Variants in NTRK3 observed in about 807,000 individuals in gnomAD.
NTRK3 encodes the protein neurotrophic receptor tyrosine kinase 3.
A neutral mutation model predicts 91.7 loss-of-function variants in NTRK3; 24 were observed. That is an observed-to-expected ratio of 0.26 (90% CI 0.19 to 0.37). NTRK3 has a LOEUF of 0.37. NTRK3 is among the 10% of genes least tolerant of loss of function. The pLI is 1.00. For missense variants in NTRK3, 880 were observed against 1,068.9 expected (o/e 0.82, Z 2.46); for synonymous variants, 483 against 404.0 (o/e 1.20, Z -2.34).
intron 3 of NTRK3, among the ~76,000 whole-genome samples, chr15:88,206,486 G>A (rs1419564306): frequency 4.2e-5 from 6 of 143,450 alleles, no homozygotes; most frequent in African/African-American, 1.6e-4. Context: ...GTGAAACCCC[G>A]TCTCTACTAA....
intron 3 of NTRK3, among the ~76,000 whole-genome samples, chr15:88,231,617 T>C (rs1466368225): frequency 2.0e-5 from 3 of 152,164 alleles, no homozygotes; most frequent in Non-Finnish European, 2.9e-5. Flanking sequence ...TTTCACTCAA[T>C]GCGAGCATCC....
chr15:87,975,900 A>T lies in NTRK3; in HGVS notation c.1586-35147T>A, dbSNP rs187829935. On this transcript the variant is annotated intron_variant, in intron 14 of 18. Transcript: ENST00000394480. ...AACTCCCTCACTTCCTTGCCCTATCACCTTGAAAAGACATTCCACATCCTT... is the reference window on the plus strand; with the variant it reads ...AACTCCCTCACTTCCTTGCCCTATCTCCTTGAAAAGACATTCCACATCCTT... 1.5e-3 allele frequency among the ~76,000 whole-genome samples: 226 copies of T among 152,208 alleles called. 1 individual carries two copies. The highest frequency in any genetic ancestry group is 2.4e-3 in the Non-Finnish European group (160 of 68,006).
chr15:88,152,957 C>T (rs2043530187), intron 5 of NTRK3, among the ~76,000 whole-genome samples: 1 of 152,200 alleles, frequency 6.6e-6, no homozygotes, highest in Admixed American at 6.5e-5. Context: ...GACATAAATG[C>T]CACAGTCACT....
intron 6 of NTRK3, among the ~76,000 whole-genome samples, chr15:88,138,131 T>C (rs947752168): frequency 6.6e-6 from 1 of 151,988 alleles, no homozygotes; most frequent in Non-Finnish European, 1.5e-5. Flanking sequence ...CGGCCGGGCG[T>C]GGTGGCTCAC....
rs16941097 is a variant in NTRK3 at position 87,981,557 on chromosome 15, A to G, written c.1586-40804T>C. 0.23 allele frequency among the ~76,000 whole-genome samples: 34,865 copies of G among 152,092 alleles called. 6,339 individuals carry two copies. The highest frequency in any genetic ancestry group is 0.51 in the African/African-American group (21,037 of 41,440). ...ATAAAATCTAGATCCTAAGAATCTC[A>G]CCCTGGCATTATAGAAATGGCACAA... On this transcript the variant is annotated intron_variant, in intron 14 of 18. Transcript: ENST00000394480.
chr15:88,016,800 G>A (rs2077262097), intron 14 of NTRK3, among the ~76,000 whole-genome samples: 1 of 151,870 alleles, frequency 6.6e-6, no homozygotes, highest in Non-Finnish European at 1.5e-5. Context: ...AGAGGAGAGT[G>A]TCATTTTTTT....
intron 17 of NTRK3, among the ~76,000 whole-genome samples, chr15:87,924,325 G>C (rs181564426): frequency 1.1e-3 from 169 of 152,196 alleles, no homozygotes; most frequent in Non-Finnish European, 2.1e-3. Context: ...AGGTTGGCTT[G>C]TTCTAAATGA....
At chr15:87,944,281 G>A (rs192626998) in intron 14 of NTRK3, among the ~76,000 whole-genome samples, 9 of 152,282 alleles carry the variant, frequency 5.9e-5, no homozygotes, top group Non-Finnish European at 8.8e-5. Flanking sequence ...ACTTCCATGT[G>A]GACAACCCCA....
exon 19 of NTRK3, chr15:87,863,478 C>T (rs1482830170): frequency 9.2e-6 from 2 of 218,554 alleles, no homozygotes; most frequent in Non-Finnish European, 1.8e-5. Flanking sequence ...ACTCTTTCAG[C>T]AAAGGCTGAT....
Position 88,154,768 on chromosome 15 carries a change from A to G in NTRK3, c.396-7365T>C, listed in dbSNP as rs562817133. On this transcript the variant is annotated intron_variant, in intron 5 of 18. Coordinates refer to ENST00000394480, the Ensembl canonical transcript of NTRK3. ...CTGCAATATGTTCATGGGTATTTCA[A>G]GGGGAAAAAGATCATATTGCTTGAA... Among the ~76,000 whole-genome samples, 6 of 152,284 alleles carry G rather than the reference A, an allele frequency of 3.9e-5. No homozygotes were observed. In the South Asian group the frequency reaches 1.0e-3, roughly 26 times the overall value.
chr15:88,022,818 C>T (rs1162159035), intron 14 of NTRK3, among the ~76,000 whole-genome samples: 1 of 152,176 alleles, frequency 6.6e-6, no homozygotes, highest in Non-Finnish European at 1.5e-5. Context: ...TTACAGTGAG[C>T]ATAATTAGAC....
chr15:88,055,685 A>C (rs2142363931), intron 13 of NTRK3, among the ~76,000 whole-genome samples: 1 of 152,240 alleles, frequency 6.6e-6, no homozygotes, highest in Non-Finnish European at 1.5e-5. Flanking sequence ...AAGTTCACTC[A>C]ATCAACCAAA....
chr15:88,187,611 T>C (rs921355374), intron 3 of NTRK3, among the ~76,000 whole-genome samples: 1 of 152,238 alleles, frequency 6.6e-6, no homozygotes, highest in Non-Finnish European at 1.5e-5. Context: ...TTTGTGATTT[T>C]CTGGGCTGTA....
chr15:87,969,151 A>C (rs959633336), intron 14 of NTRK3, among the ~76,000 whole-genome samples: 1 of 152,128 alleles, frequency 6.6e-6, no homozygotes, highest in Non-Finnish European at 1.5e-5. Flanking sequence ...TGAGAGATGA[A>C]ATTCACCTTC....
At chr15:88,161,406 C>T (rs1487997115) in intron 5 of NTRK3, among the ~76,000 whole-genome samples, 1 of 152,138 alleles carries the variant, frequency 6.6e-6, no homozygotes. Context: ...GTTACTAGGG[C>T]CCTGTCTCCT....
rs565123052 is a variant in NTRK3 at position 88,025,393 on chromosome 15, A to C, written c.1585+7464T>G. Among the ~76,000 whole-genome samples the C allele has an allele frequency of 8.5e-5, 13 of 152,330 alleles. No individual in the cohort carries two copies. The East Asian group carries it at 1.7e-3, about 20-fold the overall frequency. On this transcript the variant is annotated intron_variant, in intron 14 of 18. Coordinates refer to ENST00000394480, the Ensembl canonical transcript of NTRK3. Reference sequence around the variant, plus strand: ...GTCTGTTACAGGTTATGTCCCCCTCAAAAAAGCTAGGTCAAAGCCCTAACT... The same window carrying C: ...GTCTGTTACAGGTTATGTCCCCCTCCAAAAAGCTAGGTCAAAGCCCTAACT...
intron 5 of NTRK3, among the ~76,000 whole-genome samples, chr15:88,175,238 C>G (rs1235478050): frequency 6.6e-6 from 1 of 152,162 alleles, no homozygotes. Context: ...ATCATCTTCC[C>G]AACAAGACGC....
At chr15:88,139,544 C>A (rs2151242913) in intron 6 of NTRK3, among the ~76,000 whole-genome samples, 1 of 152,280 alleles carries the variant, frequency 6.6e-6, no homozygotes, top group Non-Finnish European at 1.5e-5. Flanking sequence ...GCAGAATGTG[C>A]AAATACCCCT....
chr15:88,177,191 G>A (rs1412970774), intron 5 of NTRK3, among the ~76,000 whole-genome samples: 1 of 152,182 alleles, frequency 6.6e-6, no homozygotes, highest in Non-Finnish European at 1.5e-5. Flanking sequence ...TGAGTCCTGT[G>A]GCCATGGAAA....
Sources: gnomAD v4.1 joint callset for allele counts (sites outside exome capture counted in the v4.1 genomes callset) on GRCh38, gnomAD v4.1.1 for gene constraint, MANE v1.5 for transcripts, NCBI Gene and HGNC (gene_info 2026-07-23, HGNC 2026-07-21) for gene names.